Variants in KDM5C observed in about 807,000 individuals in gnomAD.
The protein encoded by KDM5C is lysine-specific demethylase 5C.
In KDM5C, 16 loss-of-function variants were observed where a neutral mutation model predicts 110.6. The observed-to-expected ratio is 0.14, with a 90% CI of 0.10 to 0.22. The LOEUF (loss-of-function observed/expected upper bound fraction) is 0.22, where lower values mean the gene tolerates loss of function less well. KDM5C is among the 10% of genes least tolerant of loss of function. The pLI is 1.00. For missense variants in KDM5C, 681 were observed against 1,300.9 expected (o/e 0.52, Z 7.33); for synonymous variants, 511 against 520.4 (o/e 0.98, Z 0.24).
Position 53,198,989 on chromosome X carries a change from C to T in KDM5C, c.2231G>A (p.Arg744Gln), listed in dbSNP as rs782016330. The change falls in exon 15 of 26, where the codon CGG (arginine) becomes CAG (glutamine). Residue 744 changes from arginine (R) to glutamine (Q), a missense_variant. By Grantham distance (43) the Arg-to-Gln change is conservative (BLOSUM62 1). This residue lies in a region of KDM5C where 42 missense variants were observed against 98.9 expected (regional missense o/e 0.42). Transcript: ENST00000375401. ...GGCCCATGCTCACCGCAGGTACTGC[C>T]GGCTACTGGAGCACTTGCAGAGATC... is the stretch of plus-strand genomic sequence containing the variant. ...INDLCKCSSSRQYLRYRYTLD... is the reference protein window; with the variant it reads ...INDLCKCSSSQQYLRYRYTLD... The T allele has an allele frequency of 2.5e-6, 3 of 1,210,470 alleles. No homozygotes were observed. The highest frequency in any genetic ancestry group is 2.2e-6 in the Non-Finnish European group (2 of 895,265).
intron 12 of KDM5C, chrX:53,202,287 C>T (rs1280015550): frequency 1.1e-5 from 3 of 262,622 alleles, no homozygotes; most frequent in Non-Finnish European, 2.1e-5. Flanking sequence ...TAGTTATTTA[C>T]TTTCATCAGT....
chrX:53,222,383 G>A (rs782413004), intron 1 of KDM5C, among the ~76,000 whole-genome samples: 235 of 108,002 alleles, frequency 2.2e-3, no homozygotes, highest in African/African-American at 7.6e-3. Flanking sequence ...AAAACAGGCA[G>A]GCCAAAATGG....
At chrX:53,189,142 C>T (rs987417246), downstream of KDM5C, among the ~76,000 whole-genome samples, 2 of 112,416 alleles carry the variant, frequency 1.8e-5, no homozygotes, top group African/African-American at 6.5e-5. Flanking sequence ...TAGAGATAGG[C>T]GTGGAGGTTA....
rs782770109 is a variant in KDM5C at position 53,194,399 on chromosome X, C to T, written c.3778G>A (p.Ala1260Thr). ...SRRPRLETILALLVALQRLPV... is the reference protein window; with the variant it reads ...SRRPRLETILTLLVALQRLPV... Reference sequence around the variant, plus strand: ...AGTCTCTGCAGGGCTACCAGCAGTGCCAGGATGGTCTCCAGGCGCGGGCGC... The same window carrying T: ...AGTCTCTGCAGGGCTACCAGCAGTGTCAGGATGGTCTCCAGGCGCGGGCGC... The change falls in exon 23 of 26, where the codon GCA (alanine) becomes ACA (threonine). Residue 1260 changes from alanine to threonine, a missense_variant. Ala to Thr is a moderately conservative substitution (Grantham distance 58, BLOSUM62 0). This residue lies in a region of KDM5C where 12 missense variants were observed against 54.5 expected (regional missense o/e 0.22). Transcript: ENST00000375401. 8.3e-7 allele frequency: 1 copy of T among 1,211,904 alleles called. No individual in the cohort carries two copies. Among genetic ancestry groups the T allele is most frequent in the Non-Finnish European group, 1.1e-6 (1 of 895,325 alleles).
At chrX:53,203,028 G>A (rs913979458) in intron 12 of KDM5C, among the ~76,000 whole-genome samples, 4 of 110,204 alleles carry the variant, frequency 3.6e-5, no homozygotes, top group Non-Finnish European at 7.6e-5. Flanking sequence ...CCGTGGTCTC[G>A]ATCTCCTGAC....
downstream of KDM5C, among the ~76,000 whole-genome samples, chrX:53,188,621 C>T (rs1310062586): frequency 9.0e-6 from 1 of 110,994 alleles, no homozygotes; most frequent in Non-Finnish European, 1.9e-5. Context: ...GTGATCCGCC[C>T]GTCTCAGCTT....
Position 53,194,171 on chromosome X carries a change from G to A in KDM5C, c.4006C>T (p.Leu1336Phe). ...NYPAAPASDP[L>F]REGSGKDMPK... ...ATATCCTTGCCACTGCCCTCTCTGA[G>A]GGGGTCAGAAGCAGGGGCTGCAGGG... The change falls in exon 23 of 26, where the codon CTC (leucine) becomes TTC (phenylalanine). Residue 1336 changes from leucine (L) to phenylalanine (F), a missense_variant. By Grantham distance (22) the Leu-to-Phe change is conservative. Coordinates refer to ENST00000375401, the MANE Select transcript of KDM5C (RefSeq NM_004187.5). 8.3e-7 allele frequency: 1 copy of A among 1,207,611 alleles called. No individual in the cohort carries two copies. Among genetic ancestry groups the A allele is most frequent in the South Asian group, 1.8e-5 (1 of 56,158 alleles).
intron 23 of KDM5C, 40 bp from the exon 24 acceptor site, chrX:53,193,891 G>A: frequency 8.8e-7 from 1 of 1,140,769 alleles, no homozygotes; most frequent in African/African-American, 1.8e-5. Context: ...CAACTGAAGT[G>A]AAGAACCAGG....
intron 1 of KDM5C, chrX:53,221,847 G>C: frequency 1.7e-6 from 1 of 595,501 alleles, no homozygotes; most frequent in African/African-American, 2.3e-5. Flanking sequence ...GAAAGATCAT[G>C]AAAGTGGGAG....
chrX:53,207,593 T>C (rs1036121025), intron 12 of KDM5C, among the ~76,000 whole-genome samples: 16 of 111,762 alleles, frequency 1.4e-4, no homozygotes, highest in African/African-American at 5.2e-4. Context: ...ATGTTTACAG[T>C]GGAGAGAATA....
intron 15 of KDM5C, 25 bp from the exon 16 acceptor site, chrX:53,198,913 C>T: frequency 8.3e-7 from 1 of 1,212,114 alleles, no homozygotes; most frequent in Admixed American, 2.2e-5. Context: ...CAGGCAAGAG[C>T]ATGTCTGGCC....
chrX:53,185,857 C>T (rs1462490475), intron 25 of KDM5C, among the ~76,000 whole-genome samples: 1 of 111,706 alleles, frequency 9.0e-6, no homozygotes, highest in Admixed American at 9.5e-5. Context: ...GCATCCCAGC[C>T]TCTTCCCCAG....
Position 53,211,495 on chromosome X carries a change from A to G in KDM5C, c.1401+2T>C. 1 of 1,209,713 alleles carries G rather than the reference A, an allele frequency of 8.3e-7. No individual in the cohort carries two copies. Among genetic ancestry groups the G allele is most frequent in the Non-Finnish European group, 1.1e-6 (1 of 894,477 alleles). ...ACACGTAACCATGAATCATCCACTC[A>G]CCTCCTCTTCGGGGGTTAGGTGCCG... On this transcript the variant is annotated splice_donor_variant, in intron 10 of 25. Coordinates refer to ENST00000375401, the MANE Select transcript of KDM5C (RefSeq NM_004187.5). LOFTEE classifies it high-confidence loss of function.
At chrX:53,206,504 G>A (rs191515549) in intron 12 of KDM5C, among the ~76,000 whole-genome samples, 2 of 111,627 alleles carry the variant, frequency 1.8e-5, no homozygotes, top group Non-Finnish European at 3.8e-5. Context: ...AATTCATATA[G>A]TAACAAAGCG....
At position 53,201,910 on chromosome X, in the gene KDM5C, C is replaced by T; in HGVS notation, c.1810G>A (p.Gly604Ser). The change falls in exon 13 of 26, where the codon GGC (glycine) becomes AGC (serine). Residue 604 changes from glycine (G) to serine (S), a missense_variant. Gly to Ser is a moderately conservative substitution (Grantham distance 56). Coordinates refer to ENST00000375401, the MANE Select transcript of KDM5C (RefSeq NM_004187.5). ...GCAAAGTTGTAGCCTTGGTTGAAGCCGCTGTGGTAAGCACGGGGGAAGGTG... is the reference window on the plus strand; with the variant it reads ...GCAAAGTTGTAGCCTTGGTTGAAGCTGCTGTGGTAAGCACGGGGGAAGGTG... Reference protein sequence around the residue: ...VITFPRAYHSGFNQGYNFAEA... With the variant: ...VITFPRAYHSSFNQGYNFAEA... 1 of 1,212,051 alleles carries T rather than the reference C, an allele frequency of 8.3e-7. No individual in the cohort carries two copies. The highest frequency in any genetic ancestry group is 1.1e-6 in the Non-Finnish European group (1 of 895,539).
In KDM5C at chrX:53,193,533, G is replaced by T; in HGVS notation, c.4221C>A (p.Asp1407Glu). Reference sequence around the variant, plus strand: ...TCTCATCCAGGGTCACCTCGAGCAGGTCCCCCTCCATCATGAGCTCCTCCA... The same window carrying T: ...TCTCATCCAGGGTCACCTCGAGCAGTTCCCCCTCCATCATGAGCTCCTCCA... ...APLEELMMEG[D>E]LLEVTLDENH... The change falls in exon 25 of 26, where the codon GAC (aspartate) becomes GAA (glutamate). Residue 1407 changes from aspartate to glutamate, a missense_variant. Coordinates refer to ENST00000375401, the MANE Select transcript of KDM5C (RefSeq NM_004187.5). 1.7e-6 allele frequency: 2 copies of T among 1,211,890 alleles called. No homozygotes were observed. The highest frequency in any genetic ancestry group is 2.2e-6 in the Non-Finnish European group (2 of 895,469).
At chrX:53,211,934 A>G in intron 8 of KDM5C, 28 bp from the exon 9 acceptor site, 2 of 1,208,293 alleles carry the variant, frequency 1.7e-6, no homozygotes, top group Non-Finnish European at 2.2e-6. Flanking sequence ...ACATGTCACC[A>G]AAACAGAGGC....
chrX:53,182,280 TC>T (rs1490446821), intron 25 of KDM5C, among the ~76,000 whole-genome samples: 1 of 109,019 alleles, frequency 9.2e-6, no homozygotes. Context: ...GACGGGTTTC[TC>T]CATGTTGGTC....
At position 53,217,221 on chromosome X, in the gene KDM5C, G is replaced by A. The variant is rs1556852390; in HGVS notation, c.579C>T (p.His193=). The A allele has an allele frequency of 9.1e-6, 11 of 1,209,348 alleles. 1 individual carries two copies. In the South Asian group the frequency reaches 1.9e-4, roughly 21 times the overall value. Residue 193 remains histidine, a synonymous_variant, in exon 5 of 26, where the codon CAC becomes CAT. Coordinates refer to ENST00000375401, the MANE Select transcript of KDM5C (RefSeq NM_004187.5). ...NEEKDKEYKP[H]SIPLRQSVQP... ...GCACAGACTGTCGTAGGGGGATGCT[G>A]TGGGGTTTGTATTCCTTGTCCTTCT...
Sources: allele counts gnomAD v4.1 joint callset (sites outside exome capture counted in the v4.1 genomes callset), GRCh38; gene constraint gnomAD v4.1.1; regional missense constraint gnomAD v4.1.1; transcripts MANE v1.5; gene names NCBI Gene and HGNC (gene_info 2026-07-23, HGNC 2026-07-21).